Variants in KCNAB1 observed in about 807,000 individuals in gnomAD.
KCNAB1 encodes the protein voltage-gated potassium channel subunit beta-1.
A neutral mutation model predicts 64.6 loss-of-function variants in KCNAB1; 35 were observed. That is an observed-to-expected ratio of 0.54 (90% CI 0.41 to 0.72). KCNAB1 has a LOEUF of 0.72. Ranked by LOEUF, KCNAB1 falls within the 30% of genes least tolerant of loss-of-function variation. The pLI, the probability that KCNAB1 is intolerant of heterozygous loss-of-function variation, is 0.00. For missense variants in KCNAB1, 401 were observed against 512.9 expected, an observed-to-expected ratio of 0.78 and a Z score of 2.11; for synonymous variants, 177 against 183.8, an observed-to-expected ratio of 0.96 and a Z score of 0.30.
chr3:156,400,130 G>A (rs1354953960), intron 1 of KCNAB1, among the ~76,000 whole-genome samples: 1 of 152,224 alleles, frequency 6.6e-6, no homozygotes, highest in Non-Finnish European at 1.5e-5. Flanking sequence ...AGGGGGGAAA[G>A]TAAGATATCT....
At chr3:156,412,861 C>A (rs2108212007) in intron 1 of KCNAB1, among the ~76,000 whole-genome samples, 1 of 152,216 alleles carries the variant, frequency 6.6e-6, no homozygotes, top group South Asian at 2.1e-4. Flanking sequence ...CTGTAGAGAC[C>A]AAGGGAGAGG....
chr3:156,121,797 G>C (rs1186749149), intron 1 of KCNAB1, among the ~76,000 whole-genome samples: 1 of 152,188 alleles, frequency 6.6e-6, no homozygotes, highest in Non-Finnish European at 1.5e-5. Context: ...CTGTATGGTA[G>C]CACTGAAATT....
At chr3:156,193,687 C>T (rs1002817465) in intron 1 of KCNAB1, among the ~76,000 whole-genome samples, 1 of 152,012 alleles carries the variant, frequency 6.6e-6, no homozygotes, top group Non-Finnish European at 1.5e-5. Flanking sequence ...AGAACTCAGT[C>T]GTCACTATCA....
At chr3:156,329,739 AG>A (rs1464213352) in intron 1 of KCNAB1, among the ~76,000 whole-genome samples, 1 of 152,206 alleles carries the variant, frequency 6.6e-6, no homozygotes, top group African/African-American at 2.4e-5. Context: ...AGAGAGCCAC[AG>A]GGACCATCCA....
At chr3:156,312,305 A>G (rs1179677580) in intron 1 of KCNAB1, among the ~76,000 whole-genome samples, 2 of 152,234 alleles carry the variant, frequency 1.3e-5, no homozygotes, top group Non-Finnish European at 2.9e-5. Context: ...CTTATCTTGA[A>G]GAAGACATGT....
intron 12 of KCNAB1, among the ~76,000 whole-genome samples, chr3:156,526,917 A>G (rs553172620): frequency 6.6e-6 from 1 of 152,298 alleles, no homozygotes; most frequent in Non-Finnish European, 1.5e-5. Flanking sequence ...CATATCAGAA[A>G]CACTAACCCA....
At chr3:156,530,488 T>TGAC (rs1718627463) in intron 12 of KCNAB1, among the ~76,000 whole-genome samples, 1 of 152,088 alleles carries the variant, frequency 6.6e-6, no homozygotes. Context: ...AAAAGAAAGA[T>TGAC]GACCAAGGGC....
intron 1 of KCNAB1, among the ~76,000 whole-genome samples, chr3:156,151,117 G>A (rs553281810): frequency 2.0e-5 from 3 of 152,280 alleles, no homozygotes; most frequent in South Asian, 4.1e-4. Flanking sequence ...AGACTGGAAC[G>A]TGTGTGCTAT....
At chr3:156,428,508 C>CAT (rs1553745140) in intron 2 of KCNAB1, among the ~76,000 whole-genome samples, 8 of 151,242 alleles carry the variant, frequency 5.3e-5, no homozygotes, top group Non-Finnish European at 1.0e-4. Flanking sequence ...CACACACACA[C>CAT]ACACACACAC....
At chr3:156,310,510 T>C (rs972388292) in intron 1 of KCNAB1, among the ~76,000 whole-genome samples, 4 of 152,098 alleles carry the variant, frequency 2.6e-5, no homozygotes, top group Non-Finnish European at 5.9e-5. Context: ...GATAAGAAGC[T>C]ATCAGCTTAC....
intron 1 of KCNAB1, among the ~76,000 whole-genome samples, chr3:156,139,904 T>C (rs1714607965): frequency 6.6e-6 from 1 of 152,168 alleles, no homozygotes. Flanking sequence ...AAGAGATGTA[T>C]CTCATACTCT....
intron 1 of KCNAB1, among the ~76,000 whole-genome samples, chr3:156,141,568 A>G (rs755423990): frequency 7.9e-5 from 12 of 151,844 alleles, no homozygotes; most frequent in Non-Finnish European, 1.6e-4. Context: ...AAGCCTCTCG[A>G]GATTTATTCA....
intron 1 of KCNAB1, among the ~76,000 whole-genome samples, chr3:156,255,546 C>T (rs1486504460): frequency 6.6e-6 from 1 of 152,154 alleles, no homozygotes; most frequent in Non-Finnish European, 1.5e-5. Flanking sequence ...TCCTCTTACA[C>T]TCTCTTTTAC....
chr3:156,256,695 A>G (rs1576650913), intron 1 of KCNAB1, among the ~76,000 whole-genome samples: 1 of 151,694 alleles, frequency 6.6e-6, no homozygotes, highest in East Asian at 1.9e-4. Context: ...TATTTTTTTT[A>G]CCCCATGTGT....
chr3:156,181,963 AG>A (rs760733963), intron 1 of KCNAB1, among the ~76,000 whole-genome samples: 39 of 152,244 alleles, frequency 2.6e-4, no homozygotes, highest in Non-Finnish European at 5.1e-4. Context: ...AAGTTTTACC[AG>A]GAAAGAAACT....
At chr3:156,425,312 C>T (rs1194508274) in intron 2 of KCNAB1, among the ~76,000 whole-genome samples, 1 of 152,216 alleles carries the variant, frequency 6.6e-6, no homozygotes, top group Non-Finnish European at 1.5e-5. Context: ...GCCGGAAATT[C>T]CTTGCCCTGA....
chr3:156,202,065 T>C (rs1305779943), intron 1 of KCNAB1, among the ~76,000 whole-genome samples: 1 of 152,102 alleles, frequency 6.6e-6, no homozygotes, highest in Non-Finnish European at 1.5e-5. Flanking sequence ...CAATAGTTTC[T>C]CTGGGGCTAA....
chr3:156,160,371 A>T (rs1268613989), intron 1 of KCNAB1, among the ~76,000 whole-genome samples: 1 of 152,220 alleles, frequency 6.6e-6, no homozygotes, highest in Admixed American at 6.5e-5. Flanking sequence ...ATTAAATAAT[A>T]GAACAACTAT....
intron 1 of KCNAB1, among the ~76,000 whole-genome samples, chr3:156,367,607 T>C (rs773826394): frequency 6.6e-6 from 1 of 152,202 alleles, no homozygotes; most frequent in Non-Finnish European, 1.5e-5. Flanking sequence ...GGTACTGTTT[T>C]AGTAGCTGGC....
Sources: allele counts gnomAD v4.1 joint callset (sites outside exome capture counted in the v4.1 genomes callset), GRCh38; gene constraint gnomAD v4.1.1; transcripts MANE v1.5; gene names NCBI Gene and HGNC (gene_info 2026-07-23, HGNC 2026-07-21).